TNRC6B: variants seen among roughly 807,000 people sequenced by gnomAD.
TNRC6B encodes the protein trinucleotide repeat-containing gene 6B protein.
In TNRC6B, 52 loss-of-function variants were observed where a neutral mutation model predicts 203.6. The ratio of observed to expected loss-of-function variants is 0.26; its 90% confidence interval spans 0.20 to 0.32. TNRC6B has a LOEUF of 0.32. TNRC6B is among the 10% of genes least tolerant of loss of function. TNRC6B has a pLI of 1.00. For synonymous variants in TNRC6B, 838 were observed against 845.7 expected, an observed-to-expected ratio of 0.99 and a Z score of 0.16; for missense variants, 1,923 against 2,286.2, an observed-to-expected ratio of 0.84 and a Z score of 3.24.
chr22:40,089,265 C>G (rs912574225), intron 1 of TNRC6B, among the ~76,000 whole-genome samples: 1 of 151,846 alleles, frequency 6.6e-6, no homozygotes, highest in African/African-American at 2.4e-5. Flanking sequence ...TGAAATCTCA[C>G]TTTGTCACCC....
intron 1 of TNRC6B, among the ~76,000 whole-genome samples, chr22:40,105,845 A>G (rs570916958): frequency 6.6e-6 from 1 of 152,318 alleles, no homozygotes; most frequent in Non-Finnish European, 1.5e-5. Context: ...AGCAGAATCA[A>G]GCCAAACCAT....
chr22:40,172,701 T>C (rs941304614), intron 4 of TNRC6B, among the ~76,000 whole-genome samples: 3 of 152,250 alleles, frequency 2.0e-5, no homozygotes, highest in Admixed American at 6.5e-5. Flanking sequence ...AGTAGGAAGC[T>C]TTTCCTTTTA....
chr22:40,072,200 G>T (rs2067955485), intron 1 of TNRC6B, among the ~76,000 whole-genome samples: 1 of 152,152 alleles, frequency 6.6e-6, no homozygotes, highest in Non-Finnish European at 1.5e-5. Flanking sequence ...CAGACACAGA[G>T]ATTGAAATAT....
intron 3 of TNRC6B, among the ~76,000 whole-genome samples, chr22:40,141,292 A>G (rs1041295783): frequency 4.2e-5 from 5 of 119,696 alleles, no homozygotes; most frequent in African/African-American, 1.7e-4. Context: ...TGCAACCTCC[A>G]CCTCCCGGGT....
chr22:40,285,195 G>A (rs752217108), intron 11 of TNRC6B, among the ~76,000 whole-genome samples: 5 of 152,122 alleles, frequency 3.3e-5, no homozygotes, highest in South Asian at 2.1e-4. Context: ...ACTCTTGGAC[G>A]GCAGAGAAAT....
chr22:40,227,509 T>A (rs1254423611), intron 1 of TNRC6B, among the ~76,000 whole-genome samples: 1 of 151,404 alleles, frequency 6.6e-6, no homozygotes, highest in Non-Finnish European at 1.5e-5. Flanking sequence ...GCCACCACAC[T>A]GACTAATTTT....
At chr22:40,152,833 G>C (rs1273554443) in intron 3 of TNRC6B, among the ~76,000 whole-genome samples, 2 of 151,818 alleles carry the variant, frequency 1.3e-5, no homozygotes, top group African/African-American at 4.8e-5. Flanking sequence ...GGGTGTGGTG[G>C]CTCACACCTA....
intron 2 of TNRC6B, among the ~76,000 whole-genome samples, chr22:40,248,236 G>A (rs1029568637): frequency 2.6e-5 from 4 of 152,140 alleles, no homozygotes; most frequent in Non-Finnish European, 4.4e-5. Context: ...GGTTCTTGTC[G>A]CCGTGCCTCG....
At chr22:40,272,764 T>C (rs543525006) in intron 6 of TNRC6B, among the ~76,000 whole-genome samples, 1 of 152,344 alleles carries the variant, frequency 6.6e-6, no homozygotes. Context: ...TCACATTTTT[T>C]CCTTCTGTCT....
At chr22:40,169,750 AG>A (rs1293919974) in intron 4 of TNRC6B, among the ~76,000 whole-genome samples, 1 of 152,172 alleles carries the variant, frequency 6.6e-6, no homozygotes, top group Non-Finnish European at 1.5e-5. Context: ...AAGACTTCCA[AG>A]GGTCCTTGGC....
At chr22:40,227,614 G>A (rs1048124937) in intron 1 of TNRC6B, among the ~76,000 whole-genome samples, 6 of 152,120 alleles carry the variant, frequency 3.9e-5, no homozygotes, top group African/African-American at 1.2e-4. Context: ...GCCTCCCAAA[G>A]TGTTGGGATT....
At chr22:40,272,710 A>G (rs543807192) in intron 6 of TNRC6B, among the ~76,000 whole-genome samples, 88 of 152,234 alleles carry the variant, frequency 5.8e-4, no homozygotes, top group Non-Finnish European at 9.6e-4. Context: ...TTCCTCAAAC[A>G]TTAAAGCCTC....
At chr22:40,181,767 C>T (rs781519364) in intron 1 of TNRC6B, among the ~76,000 whole-genome samples, 4 of 151,208 alleles carry the variant, frequency 2.6e-5, no homozygotes, top group Non-Finnish European at 5.9e-5. Context: ...TGGCAAAACC[C>T]TGTCCCTACA....
chr22:40,059,923 A>G (rs2067835008), intron 1 of TNRC6B, among the ~76,000 whole-genome samples: 1 of 150,176 alleles, frequency 6.7e-6, no homozygotes, highest in South Asian at 2.1e-4. Flanking sequence ...CCCAGGTTCA[A>G]GCGATTCTCC....
intron 3 of TNRC6B, among the ~76,000 whole-genome samples, chr22:40,254,394 C>T (rs771405617): frequency 5.3e-5 from 8 of 152,112 alleles, no homozygotes; most frequent in Admixed American, 1.3e-4. Flanking sequence ...GTGGCACAGG[C>T]GTGTAATCCC....
At chr22:40,243,669 C>T (rs879925260) in intron 1 of TNRC6B, among the ~76,000 whole-genome samples, 10 of 152,270 alleles carry the variant, frequency 6.6e-5, no homozygotes, top group Non-Finnish European at 1.2e-4. Context: ...ACTACAACCT[C>T]CGCCTCCCAG....
chr22:40,138,479 T>A (rs1005693067), intron 3 of TNRC6B, among the ~76,000 whole-genome samples: 1 of 152,184 alleles, frequency 6.6e-6, no homozygotes, highest in African/African-American at 2.4e-5. Context: ...TTGGCCAGAC[T>A]GGTCTCGAAT....
chr22:40,315,538 T>G (rs1190690884), intron 20 of TNRC6B, 31 bp downstream of exon 20: 1 of 1,605,780 alleles, frequency 6.2e-7, no homozygotes, highest in Admixed American at 1.7e-5. Context: ...GGAACACCAT[T>G]GTTCATCCAC....
chr22:40,114,804 A>G (rs1366799335), intron 1 of TNRC6B, among the ~76,000 whole-genome samples: 1 of 152,190 alleles, frequency 6.6e-6, no homozygotes, highest in Admixed American at 6.5e-5. Flanking sequence ...GTACCTGATC[A>G]GATGGTAGGA....
Sources: gnomAD v4.1 joint callset for allele counts (sites outside exome capture counted in the v4.1 genomes callset) on GRCh38, gnomAD v4.1.1 for gene constraint, MANE v1.5 for transcripts, NCBI Gene and HGNC (gene_info 2026-07-23, HGNC 2026-07-21) for gene names.